The following MBNL1 variants were observed in gnomAD, a reference collection of about 807,000 sequenced individuals.
The protein encoded by MBNL1 is muscleblind like splicing regulator 1, also known as muscleblind-like protein 1.
In MBNL1, 8 loss-of-function variants were observed where a neutral mutation model predicts 42.2. That is an observed-to-expected ratio of 0.19 (90% CI 0.11 to 0.34). MBNL1 has a LOEUF of 0.34. Ranked by LOEUF, MBNL1 falls within the 10% of genes least tolerant of loss-of-function variation. The pLI, the probability that MBNL1 is intolerant of heterozygous loss-of-function variation, is 1.00. For synonymous variants in MBNL1, 169 were observed against 173.9 expected, an observed-to-expected ratio of 0.97 and a Z score of 0.22; for missense variants, 309 against 495.3, an observed-to-expected ratio of 0.62 and a Z score of 3.57.
chr3:152,442,470 T>A (rs899316303), intron 4 of MBNL1, among the ~76,000 whole-genome samples: 6 of 152,242 alleles, frequency 3.9e-5, no homozygotes, highest in Admixed American at 3.9e-4. Context: ...ACCACAGTGT[T>A]GTTAGAATTT....
At chr3:152,252,575 C>T (rs1176441737) in intron 2 of MBNL1, among the ~76,000 whole-genome samples, 1 of 151,910 alleles carries the variant, frequency 6.6e-6, no homozygotes, top group African/African-American at 2.4e-5. Context: ...TGGGGTTGAG[C>T]TTTTATCTTT....
At chr3:152,399,745 C>T (rs990150407) in intron 2 of MBNL1, among the ~76,000 whole-genome samples, 1 of 152,108 alleles carries the variant, frequency 6.6e-6, no homozygotes, top group African/African-American at 2.4e-5. Context: ...TGAAGTGACC[C>T]TCCTATCTCA....
chr3:152,386,692 T>G (rs955566853), intron 2 of MBNL1, among the ~76,000 whole-genome samples: 1 of 152,040 alleles, frequency 6.6e-6, no homozygotes, highest in Non-Finnish European at 1.5e-5. Context: ...ACTTAGGGCT[T>G]GCACACTGAA....
chr3:152,452,465 A>G (rs749424220), intron 6 of MBNL1, among the ~76,000 whole-genome samples: 1 of 152,204 alleles, frequency 6.6e-6, no homozygotes, highest in South Asian at 2.1e-4. Context: ...CAGACAGGCT[A>G]TGCATTCTTC....
chr3:152,248,676 G>T (rs1037693058), intron 2 of MBNL1, among the ~76,000 whole-genome samples: 18 of 151,394 alleles, frequency 1.2e-4, no homozygotes, highest in Non-Finnish European at 2.7e-4. Context: ...TGCAGGTTAG[G>T]TACATATGTA....
chr3:152,249,703 T>C (rs1254680027), intron 2 of MBNL1, among the ~76,000 whole-genome samples: 2 of 148,876 alleles, frequency 1.3e-5, no homozygotes, highest in Admixed American at 1.4e-4. Context: ...CATGCCTATG[T>C]CCTGAATGGT....
In MBNL1 at chr3:152,456,378, CT is replaced by C. The variant is rs777159947; in HGVS notation, c.1092+20del. 8.7e-6 allele frequency: 14 copies of C among 1,606,424 alleles called. No homozygotes were observed. In the East Asian group the frequency reaches 2.7e-4, roughly 31 times the overall value. On this transcript the variant is annotated intron_variant, in intron 8 of 9. Transcript: ENST00000324210. ...GCCAACCAGGTTTGCTAATTTACAG[CT>C]TTGTTTCTTAAAAAACAACTCTAAT...
chr3:152,307,016 G>A (rs1490869402), intron 2 of MBNL1, among the ~76,000 whole-genome samples: 1 of 152,178 alleles, frequency 6.6e-6, no homozygotes, highest in Non-Finnish European at 1.5e-5. Flanking sequence ...TTGAGACAGA[G>A]TCTTACTCTG....
At chr3:152,392,778 G>A (rs189962566) in intron 2 of MBNL1, among the ~76,000 whole-genome samples, 1 of 152,232 alleles carries the variant, frequency 6.6e-6, no homozygotes, top group East Asian at 1.9e-4. Flanking sequence ...ATACAAACAC[G>A]TTCTTCTGAA....
chr3:152,317,494 A>T (rs1467483211), intron 2 of MBNL1, among the ~76,000 whole-genome samples: 1 of 151,832 alleles, frequency 6.6e-6, no homozygotes, highest in Non-Finnish European at 1.5e-5. Flanking sequence ...TAATTTTTGT[A>T]TTTTTTGTAT....
chr3:152,447,342 T>C (rs1460878744), intron 5 of MBNL1, among the ~76,000 whole-genome samples: 1 of 152,172 alleles, frequency 6.6e-6, no homozygotes, highest in African/African-American at 2.4e-5. Flanking sequence ...CCTGAAGCAT[T>C]ATGGGACATA....
intron 1 of MBNL1, among the ~76,000 whole-genome samples, chr3:152,271,406 C>G (rs1253194272): frequency 6.6e-6 from 1 of 152,118 alleles, no homozygotes; most frequent in African/African-American, 2.4e-5. Flanking sequence ...ATATAAAATG[C>G]CTTATCTTCA....
Position 152,300,209 on chromosome 3 carries a change from A to G in MBNL1, c.16A>G (p.Thr6Ala), listed in dbSNP as rs758436405. 1.2e-6 allele frequency: 2 copies of G among 1,604,564 alleles called. No individual in the cohort carries two copies. The highest frequency in any genetic ancestry group is 3.4e-5 in the Admixed American group (2 of 59,060). ...AAATCTAAACATGGCTGTTAGTGTC[A>G]CACCAATTCGGGACACAAAATGGCT... MAVSV[T>A]PIRDTKWLTL... The change falls in exon 2 of 10, where the codon ACA becomes GCA. Residue 6 changes from threonine to alanine, a missense_variant. Coordinates refer to ENST00000324210, the MANE Select transcript of MBNL1 (RefSeq NM_021038.5).
intron 6 of MBNL1, 148 bp from the exon 7 acceptor site, chr3:152,455,394 G>C: frequency 1.5e-6 from 1 of 672,344 alleles, no homozygotes; most frequent in Non-Finnish European, 2.7e-6. Context: ...TGTATGATTT[G>C]ATTGTGCTGA....
chr3:152,394,208 A>G (rs2097839299), intron 2 of MBNL1, among the ~76,000 whole-genome samples: 1 of 152,358 alleles, frequency 6.6e-6, no homozygotes, highest in Admixed American at 6.5e-5. Context: ...ATAATTTGCA[A>G]AATAGTCATA....
chr3:152,456,791 C>T (rs1050222825), intron 8 of MBNL1, among the ~76,000 whole-genome samples: 2 of 152,094 alleles, frequency 1.3e-5, no homozygotes, highest in African/African-American at 2.4e-5. Context: ...AAATGTATTA[C>T]GTATGCCACA....
intron 4 of MBNL1, among the ~76,000 whole-genome samples, chr3:152,444,669 T>G (rs888490724): frequency 1.3e-5 from 2 of 152,214 alleles, no homozygotes; most frequent in Non-Finnish European, 2.9e-5. Flanking sequence ...ATCTACAGAC[T>G]TTAATCAAAT....
At chr3:152,268,628 C>T (rs761339378), upstream of MBNL1, 5 of 405,588 alleles carry the variant, frequency 1.2e-5, no homozygotes, top group South Asian at 8.7e-5. Flanking sequence ...CAACGGGAGG[C>T]CGAGGGGATC....
In MBNL1 at chr3:152,274,763, A is replaced by G. The variant is rs116504098; in HGVS notation, c.-790+5671A>G. On this transcript the variant is annotated intron_variant, in intron 1 of 9. Coordinates refer to ENST00000324210, the MANE Select transcript of MBNL1 (RefSeq NM_021038.5). ...AAATATAATGGTTTCCAAATGTCCT[A>G]TACTAGATTATTGATAGATTTTGTC... Among the ~76,000 whole-genome samples, 863 of 152,214 alleles carry G rather than the reference A, an allele frequency of 5.7e-3. 8 individuals are homozygous for G. The highest frequency in any genetic ancestry group is 0.02 in the African/African-American group (834 of 41,544).
Sources: gnomAD v4.1 joint callset for allele counts (sites outside exome capture counted in the v4.1 genomes callset) on GRCh38, gnomAD v4.1.1 for gene constraint, MANE v1.5 for transcripts, NCBI Gene and HGNC (gene_info 2026-07-23, HGNC 2026-07-21) for gene names.